The following KLF12 variants were observed in gnomAD, a reference collection of about 807,000 sequenced individuals.
KLF12 encodes Krueppel-like factor 12.
In KLF12, 9 loss-of-function variants were observed where a neutral mutation model predicts 37.8. That is an observed-to-expected ratio of 0.24 (90% CI 0.14 to 0.42). The LOEUF (loss-of-function observed/expected upper bound fraction) is 0.42. Among genes scored for constraint, KLF12 ranks in the 10% least tolerant of loss-of-function variants. The pLI is 1.00. For missense variants in KLF12, 411 were observed against 516.0 expected, an observed-to-expected ratio of 0.80 and a Z score of 1.97; for synonymous variants, 208 against 202.1, an observed-to-expected ratio of 1.03 and a Z score of -0.25.
At chr13:74,168,689 C>T in the KLF12 span, among the ~76,000 whole-genome samples, 69 of 152,252 alleles carry the variant, frequency 4.5e-4, no homozygotes, top group African/African-American at 1.5e-3. Flanking sequence ...ATGGAAATAA[C>T]GGGTGGCAAA....
intron 2 of KLF12, among the ~76,000 whole-genome samples, chr13:73,954,191 G>A (rs1276696807): frequency 6.6e-6 from 1 of 151,734 alleles, no homozygotes; most frequent in Non-Finnish European, 1.5e-5. Context: ...TGTTAGCCAG[G>A]ATGGTCTCGG....
chr13:74,088,542 T>C (rs1484524571), intron 1 of KLF12, among the ~76,000 whole-genome samples: 2 of 152,112 alleles, frequency 1.3e-5, no homozygotes, highest in Non-Finnish European at 2.9e-5. Context: ...ATCTTTCAAC[T>C]CTAGCATAGC....
At chr13:73,713,433 T>A (rs1875557479) in intron 7 of KLF12, among the ~76,000 whole-genome samples, 1 of 152,194 alleles carries the variant, frequency 6.6e-6, no homozygotes, top group African/African-American at 2.4e-5. Context: ...AACCATCTGG[T>A]TGTTAATAAC....
At chr13:74,083,411 G>A (rs1266710454) in intron 1 of KLF12, among the ~76,000 whole-genome samples, 3 of 151,900 alleles carry the variant, frequency 2.0e-5, no homozygotes, top group Non-Finnish European at 2.9e-5. Context: ...ACAGGCTGAG[G>A]TGGGAGGATC....
chr13:74,200,194 G>A, the KLF12 span, among the ~76,000 whole-genome samples: 83 of 151,928 alleles, frequency 5.5e-4, no homozygotes, highest in Middle Eastern at 3.4e-3. Context: ...TTGCTCAGGG[G>A]GGGGGTTTCC....
At chr13:74,184,075 A>G in the KLF12 span, among the ~76,000 whole-genome samples, 1 of 152,362 alleles carries the variant, frequency 6.6e-6, no homozygotes, top group East Asian at 1.9e-4. Context: ...ATAAAAATAC[A>G]GAATCTCAGG....
intron 3 of KLF12, among the ~76,000 whole-genome samples, chr13:73,902,837 G>T (rs963603895): frequency 6.6e-6 from 1 of 152,190 alleles, no homozygotes; most frequent in Non-Finnish European, 1.5e-5. Flanking sequence ...TCAATAAGAT[G>T]ATTGTAACTA....
chr13:74,046,850 TTCCTTACTATACCATA>T (rs1285502239), intron 1 of KLF12, among the ~76,000 whole-genome samples: 1 of 152,204 alleles, frequency 6.6e-6, no homozygotes, highest in African/African-American at 2.4e-5. Flanking sequence ...ATTTTGCATT[TTCCTTACTATACCATA>T]TAAGACTTAA....
At chr13:74,172,493 T>A in the KLF12 span, among the ~76,000 whole-genome samples, 1 of 152,240 alleles carries the variant, frequency 6.6e-6, no homozygotes, top group Admixed American at 6.5e-5. Context: ...TTGCCCCATC[T>A]TTTGGCTGTT....
At chr13:74,287,349 T>TGAGAGAGAGAGATAGAGAGA in the KLF12 span, among the ~76,000 whole-genome samples, 6 of 71,866 alleles carry the variant, frequency 8.3e-5, no homozygotes, top group African/African-American at 3.1e-4. Flanking sequence ...CTATCAAAGT[T>TGAGAGAGAGAGATAGAGAGA]GAGAGAGAGA....
At chr13:74,298,014 G>A in the KLF12 span, among the ~76,000 whole-genome samples, 9 of 152,176 alleles carry the variant, frequency 5.9e-5, no homozygotes, top group Middle Eastern at 3.4e-3. Context: ...CTTCTGAATC[G>A]TTCCGACTGG....
chr13:74,092,399 AGATCACTTGG>A (rs1216140461), intron 1 of KLF12, among the ~76,000 whole-genome samples: 1 of 151,190 alleles, frequency 6.6e-6, no homozygotes, highest in Non-Finnish European at 1.5e-5. Flanking sequence ...CAAGGCGGGC[AGATCACTTGG>A]GGTCAGGAGT....
At chr13:74,142,366 A>T in the KLF12 span, among the ~76,000 whole-genome samples, 1 of 152,230 alleles carries the variant, frequency 6.6e-6, no homozygotes, top group Non-Finnish European at 1.5e-5. Context: ...AGAGTGAAGC[A>T]GCAGCACATG....
intron 5 of KLF12, among the ~76,000 whole-genome samples, chr13:73,809,937 T>C (rs200242708): frequency 1.3e-5 from 2 of 152,176 alleles, no homozygotes; most frequent in East Asian, 3.8e-4. Context: ...CACTATTACA[T>C]AAAATCCTGT....
chr13:74,250,048 A>C, the KLF12 span, among the ~76,000 whole-genome samples: 1 of 152,190 alleles, frequency 6.6e-6, no homozygotes, highest in East Asian at 1.9e-4. Context: ...TATGACATAC[A>C]TCTGAGGTCC....
At chr13:73,932,652 A>G (rs1166782954) in intron 3 of KLF12, among the ~76,000 whole-genome samples, 1 of 152,198 alleles carries the variant, frequency 6.6e-6, no homozygotes, top group Non-Finnish European at 1.5e-5. Flanking sequence ...TGTGGTGACC[A>G]GGGATTATGT....
chr13:73,970,139 C>T (rs967995697), intron 2 of KLF12, among the ~76,000 whole-genome samples: 2 of 152,068 alleles, frequency 1.3e-5, no homozygotes, highest in African/African-American at 2.4e-5. Context: ...TGCTTTATTT[C>T]CAGTGTGGCA....
At chr13:73,698,539 C>G (rs191112285) in intron 7 of KLF12, among the ~76,000 whole-genome samples, 3 of 152,192 alleles carry the variant, frequency 2.0e-5, no homozygotes, top group East Asian at 3.9e-4. Context: ...AAATCTGGAG[C>G]AGGGGGTAGT....
chr13:73,896,062 C>T (rs916567800), intron 3 of KLF12, among the ~76,000 whole-genome samples: 3 of 152,020 alleles, frequency 2.0e-5, no homozygotes, highest in African/African-American at 7.3e-5. Context: ...CTCAGGAGAT[C>T]CACCCACCTT....
Sources: gnomAD v4.1 joint callset for allele counts (sites outside exome capture counted in the v4.1 genomes callset) on GRCh38, gnomAD v4.1.1 for gene constraint, MANE v1.5 for transcripts, NCBI Gene and HGNC (gene_info 2026-07-23, HGNC 2026-07-21) for gene names.